Variants in CHCHD3 observed in about 807,000 individuals in gnomAD.
The protein encoded by CHCHD3 is coiled-coil-helix-coiled-coil-helix domain containing 3, also known as MICOS complex subunit MIC19.
In CHCHD3, 20 loss-of-function variants were observed where a neutral mutation model predicts 38.2. The ratio of observed to expected loss-of-function variants is 0.52; its 90% CI spans 0.37 to 0.76. The LOEUF (loss-of-function observed/expected upper bound fraction) is 0.76. CHCHD3 is among the 30% of genes least tolerant of loss of function. CHCHD3 has a pLI of 0.00. For synonymous variants in CHCHD3, 82 were observed against 100.0 expected, an observed-to-expected ratio of 0.82 and a Z score of 1.07; for missense variants, 245 against 279.2, an observed-to-expected ratio of 0.88 and a Z score of 0.87.
chr7:133,013,449 A>G (rs1812939990), intron 3 of CHCHD3, among the ~76,000 whole-genome samples: 1 of 152,186 alleles, frequency 6.6e-6, no homozygotes, highest in Admixed American at 6.5e-5. Flanking sequence ...TAGGGCTGCT[A>G]TGAAGGTTAA....
intron 4 of CHCHD3, among the ~76,000 whole-genome samples, chr7:132,939,073 T>A (rs1434358092): frequency 6.6e-6 from 1 of 152,278 alleles, no homozygotes; most frequent in East Asian, 1.9e-4. Flanking sequence ...TTAAATATAG[T>A]TACTCCATAT....
chr7:132,997,659 T>TAA (rs71178073), intron 3 of CHCHD3, among the ~76,000 whole-genome samples: 4,393 of 81,086 alleles, frequency 0.054, 606 homozygotes, highest in Non-Finnish European at 0.08. Flanking sequence ...AACAGGGTTG[T>TAA]AAAAAAAAAA....
chr7:132,804,720 TCTA>T (rs1273542611), intron 6 of CHCHD3, among the ~76,000 whole-genome samples: 1 of 152,208 alleles, frequency 6.6e-6, no homozygotes, highest in African/African-American at 2.4e-5. Flanking sequence ...TACACTTTTT[TCTA>T]CTACATTTTA....
At chr7:132,898,440 A>T (rs1005640457) in intron 4 of CHCHD3, among the ~76,000 whole-genome samples, 1 of 152,212 alleles carries the variant, frequency 6.6e-6, no homozygotes, top group African/African-American at 2.4e-5. Flanking sequence ...AGGCCCCACC[A>T]GAGTAGCTAG....
intron 6 of CHCHD3, among the ~76,000 whole-genome samples, chr7:132,819,558 C>T (rs1807291103): frequency 1.3e-5 from 2 of 152,140 alleles, no homozygotes; most frequent in Admixed American, 6.5e-5. Context: ...GAGGCATGCT[C>T]CCATCAAGCT....
intron 4 of CHCHD3, among the ~76,000 whole-genome samples, chr7:132,889,762 T>C (rs1039863010): frequency 6.6e-6 from 1 of 152,190 alleles, no homozygotes; most frequent in African/African-American, 2.4e-5. Context: ...AGTCACACGA[T>C]ATGAATCCTG....
At chr7:132,811,564 T>A (rs889274942) in intron 6 of CHCHD3, among the ~76,000 whole-genome samples, 1 of 152,226 alleles carries the variant, frequency 6.6e-6, no homozygotes, top group African/African-American at 2.4e-5. Context: ...TTCTTTTCTA[T>A]CCATGCCAAA....
chr7:132,878,148 G>C (rs1177103974), intron 5 of CHCHD3, among the ~76,000 whole-genome samples: 1 of 152,114 alleles, frequency 6.6e-6, no homozygotes, highest in African/African-American at 2.4e-5. Context: ...CCCTTGAAAA[G>C]GTTGATCCAG....
At chr7:132,821,484 G>A (rs1006731531) in intron 6 of CHCHD3, among the ~76,000 whole-genome samples, 1 of 152,036 alleles carries the variant, frequency 6.6e-6, no homozygotes, top group Non-Finnish European at 1.5e-5. Flanking sequence ...TTATGGCGTG[G>A]AAAAATGAAG....
At chr7:132,889,343 AT>A (rs1187069801) in intron 4 of CHCHD3, among the ~76,000 whole-genome samples, 6 of 152,080 alleles carry the variant, frequency 3.9e-5, no homozygotes, top group African/African-American at 4.8e-5. Flanking sequence ...TGCAAAAAAA[AT>A]CATAATGGAT....
At chr7:132,946,043 G>C (rs1258635795) in intron 4 of CHCHD3, among the ~76,000 whole-genome samples, 2 of 151,806 alleles carry the variant, frequency 1.3e-5, no homozygotes, top group Non-Finnish European at 2.9e-5. Context: ...CATAAAATTA[G>C]ACACATTCTT....
intron 5 of CHCHD3, among the ~76,000 whole-genome samples, chr7:132,852,136 T>C (rs1477282364): frequency 6.6e-6 from 1 of 152,242 alleles, no homozygotes; most frequent in Non-Finnish European, 1.5e-5. Flanking sequence ...GAAGGATTTA[T>C]AACAGATGCT....
intron 1 of CHCHD3, among the ~76,000 whole-genome samples, chr7:133,072,943 T>G (rs1250023506): frequency 6.6e-6 from 1 of 151,982 alleles, no homozygotes; most frequent in Non-Finnish European, 1.5e-5. Flanking sequence ...CCATTTCAAG[T>G]AACTGAGTGA....
At position 133,024,531 on chromosome 7, in the gene CHCHD3, T is replaced by C. The variant is rs767600902; in HGVS notation, c.251+15A>G. 1 of 1,592,088 alleles carries C rather than the reference T, an allele frequency of 6.3e-7. No individual in the cohort carries two copies. The highest frequency in any genetic ancestry group is 8.6e-7 in the Non-Finnish European group (1 of 1,160,500). On this transcript the variant is annotated intron_variant, in intron 3 of 7. Coordinates refer to ENST00000262570, the MANE Select transcript of CHCHD3 (RefSeq NM_017812.4). The stretch of plus-strand genomic sequence containing the variant: ...AAAACCCACCAAAACCTCTCTCTGA[T>C]ACCACAAAACTCACCGTTTCTGATC...
At chr7:132,797,537 A>T (rs1010859048) in intron 6 of CHCHD3, among the ~76,000 whole-genome samples, 36 of 152,320 alleles carry the variant, frequency 2.4e-4, no homozygotes, top group Non-Finnish European at 3.5e-4. Context: ...AATTCCAAGG[A>T]CTGTGACTTA....
At chr7:133,064,187 G>A (rs761621463) in intron 2 of CHCHD3, among the ~76,000 whole-genome samples, 25 of 152,158 alleles carry the variant, frequency 1.6e-4, no homozygotes, top group Admixed American at 5.9e-4. Flanking sequence ...CAAAGATGGC[G>A]GCCATGCTAA....
At chr7:132,965,167 C>A (rs1811429170) in intron 4 of CHCHD3, among the ~76,000 whole-genome samples, 1 of 151,898 alleles carries the variant, frequency 6.6e-6, no homozygotes, top group African/African-American at 2.4e-5. Flanking sequence ...TCTGCTTTGA[C>A]CACGTGCCTA....
At chr7:132,915,735 T>C (rs1338835439) in intron 4 of CHCHD3, among the ~76,000 whole-genome samples, 1 of 152,200 alleles carries the variant, frequency 6.6e-6, no homozygotes, top group East Asian at 1.9e-4. Flanking sequence ...TAATTCATAG[T>C]ACTTAAGAGA....
chr7:132,939,486 T>A (rs1810710882), intron 4 of CHCHD3, among the ~76,000 whole-genome samples: 1 of 152,168 alleles, frequency 6.6e-6, no homozygotes, highest in Admixed American at 6.6e-5. Flanking sequence ...GCTACACAGG[T>A]TTGTAGCCTA....
Sources: allele counts gnomAD v4.1 joint callset (sites outside exome capture counted in the v4.1 genomes callset), GRCh38; gene constraint gnomAD v4.1.1; transcripts MANE v1.5; gene names NCBI Gene and HGNC (gene_info 2026-07-23, HGNC 2026-07-21).